The following TEX11 variants were observed in gnomAD, a reference collection of about 807,000 sequenced individuals.
TEX11 encodes the protein testis expressed 11.
Under a neutral mutation model 84.4 loss-of-function variants are expected in TEX11, and 7 were observed. The observed-to-expected ratio is 0.08, with a 90% CI of 0.05 to 0.16. The LOEUF is 0.16. Among genes scored for constraint, TEX11 ranks in the 10% least tolerant of loss-of-function variants. TEX11 has a pLI of 1.00. For synonymous variants in TEX11, 264 were observed against 222.8 expected (o/e 1.18, Z -1.64); for missense variants, 551 against 660.5 (o/e 0.83, Z 1.82).
intron 4 of TEX11, among the ~76,000 whole-genome samples, chrX:70,865,189 C>T (rs775238093): frequency 4.5e-5 from 5 of 110,968 alleles, no homozygotes; most frequent in East Asian, 2.8e-4. Flanking sequence ...TCAAAATAAA[C>T]GGATGGAGGA....
intron 25 of TEX11, among the ~76,000 whole-genome samples, chrX:70,565,327 T>C (rs1164907836): frequency 6.3e-4 from 68 of 108,179 alleles, no homozygotes; most frequent in Non-Finnish European, 1.0e-3. Flanking sequence ...GAGTAGGTTG[T>C]GAAAATTTTC....
At chrX:70,571,628 T>C (rs2088600134) in intron 25 of TEX11, among the ~76,000 whole-genome samples, 1 of 112,228 alleles carries the variant, frequency 8.9e-6, no homozygotes, top group Admixed American at 9.5e-5. Context: ...CTTTTAGATT[T>C]CCAACAGTGG....
At chrX:70,679,814 G>A (rs1435614834) in intron 14 of TEX11, among the ~76,000 whole-genome samples, 5 of 97,494 alleles carry the variant, frequency 5.1e-5, no homozygotes, top group Non-Finnish European at 1.0e-4. Context: ...CAGCCGCCCC[G>A]TCCGGGAGGG....
intron 8 of TEX11, among the ~76,000 whole-genome samples, chrX:70,829,481 CAAAAAA>C (rs60664977): frequency 1.4e-5 from 1 of 72,929 alleles, no homozygotes; most frequent in Non-Finnish European, 2.4e-5. Context: ...CATTCCGTCT[CAAAAAA>C]AAAAAAAAAA....
chrX:70,778,627 G>A (rs2091016467), intron 9 of TEX11, among the ~76,000 whole-genome samples: 1 of 106,867 alleles, frequency 9.4e-6, no homozygotes, highest in Non-Finnish European at 1.9e-5. Flanking sequence ...GCTATGTTTT[G>A]TTTGTTTGTT....
At chrX:70,907,236 T>A in intron 2 of TEX11, among the ~76,000 whole-genome samples, 1 of 110,378 alleles carries the variant, frequency 9.1e-6, no homozygotes, top group Middle Eastern at 4.7e-3. Flanking sequence ...TTGCATGCCA[T>A]AAAAATCCTG....
the TEX11 span, among the ~76,000 whole-genome samples, chrX:70,519,283 C>T: frequency 2.7e-5 from 3 of 111,987 alleles, no homozygotes; most frequent in Admixed American, 2.9e-4. Context: ...GTGCTTCCTT[C>T]AGGAGCTCTT....
At chrX:70,891,354 A>G in intron 2 of TEX11, among the ~76,000 whole-genome samples, 1 of 111,907 alleles carries the variant, frequency 8.9e-6, no homozygotes, top group South Asian at 3.8e-4. Flanking sequence ...CTCACCAACA[A>G]TGGAACAAAG....
At chrX:70,537,012 G>A (rs2087968506) in intron 28 of TEX11, among the ~76,000 whole-genome samples, 1 of 111,756 alleles carries the variant, frequency 8.9e-6, no homozygotes, top group South Asian at 3.8e-4. Flanking sequence ...AAAAATGATG[G>A]ACAGGCAGTA....
chrX:70,871,102 G>A (rs78679106), intron 4 of TEX11, among the ~76,000 whole-genome samples: 10,685 of 111,742 alleles, frequency 0.096, 640 homozygotes, highest in Admixed American at 0.29. Flanking sequence ...TAATAGAGAC[G>A]GGGTTTCACT....
intron 17 of TEX11, among the ~76,000 whole-genome samples, chrX:70,641,602 G>C (rs1026412851): frequency 2.7e-5 from 3 of 111,426 alleles, no homozygotes; most frequent in Non-Finnish European, 5.6e-5. Flanking sequence ...CTAGAACTCA[G>C]GATTAAGAAT....
chrX:70,606,077 A>G (rs1603134474), intron 23 of TEX11, among the ~76,000 whole-genome samples: 1 of 112,422 alleles, frequency 8.9e-6, no homozygotes, highest in Non-Finnish European at 1.9e-5. Flanking sequence ...CAAAACTAAA[A>G]CCAATTTATT....
chrX:70,880,102 A>G lies in TEX11; in HGVS notation c.45T>C (p.Val15=). Residue 15 remains valine, a synonymous_variant, in exon 3 of 30, where the codon GTT becomes GTC. Coordinates refer to ENST00000374333, the MANE Select transcript of TEX11 (RefSeq NM_031276.3). The stretch of plus-strand genomic sequence containing the variant: ...AATTATCATTTGTAACCAGGTTTTC[A>G]ACAACTTCTGAAATGACAATGGATG... ...DFFSMDFKEV[V]ENLVTNDNSP... 1 of 1,183,609 alleles carries G rather than the reference A, an allele frequency of 8.4e-7. No individual in the cohort carries two copies. The highest frequency in any genetic ancestry group is 1.1e-6 in the Non-Finnish European group (1 of 878,354).
chrX:70,856,563 TA>T (rs750484709), intron 5 of TEX11, among the ~76,000 whole-genome samples: 4 of 111,313 alleles, frequency 3.6e-5, no homozygotes, highest in Admixed American at 9.7e-5. Flanking sequence ...TTATTTGTAT[TA>T]TTTTTTATTG....
At chrX:70,649,179 C>T (rs931218953) in intron 17 of TEX11, among the ~76,000 whole-genome samples, 2 of 112,066 alleles carry the variant, frequency 1.8e-5, no homozygotes, top group Non-Finnish European at 3.8e-5. Context: ...AATGAACACA[C>T]GTGTGCATGT....
intron 25 of TEX11, among the ~76,000 whole-genome samples, chrX:70,565,898 G>T (rs1273451939): frequency 1.8e-5 from 2 of 110,471 alleles, no homozygotes; most frequent in African/African-American, 6.6e-5. Context: ...CTCTTTTTTG[G>T]TTCCATATGA....
downstream of TEX11, among the ~76,000 whole-genome samples, chrX:70,524,792 C>T (rs886870464): frequency 3.6e-5 from 4 of 111,931 alleles, no homozygotes; most frequent in African/African-American, 6.5e-5. Context: ...TCTCAAACTC[C>T]GACCTCAGGG....
intron 7 of TEX11, among the ~76,000 whole-genome samples, chrX:70,839,057 T>G (rs1245552031): frequency 8.9e-6 from 1 of 112,651 alleles, no homozygotes; most frequent in Non-Finnish European, 1.9e-5. Flanking sequence ...AGGCTCCACC[T>G]CTGGGAGCAG....
intron 28 of TEX11, among the ~76,000 whole-genome samples, chrX:70,532,759 C>A (rs1401332457): frequency 9.2e-6 from 1 of 109,271 alleles, no homozygotes; most frequent in Non-Finnish European, 1.9e-5. Flanking sequence ...AAAATAAAGG[C>A]CCGGCGTGGT....
Sources: allele counts gnomAD v4.1 joint callset (sites outside exome capture counted in the v4.1 genomes callset), GRCh38; gene constraint gnomAD v4.1.1; transcripts MANE v1.5; gene names NCBI Gene and HGNC (gene_info 2026-07-23, HGNC 2026-07-21).